Variants in ST8SIA4 observed in about 807,000 individuals in gnomAD.
ST8SIA4 encodes CMP-N-acetylneuraminate-poly-alpha-2,8-sialyltransferase.
A neutral mutation model predicts 33.9 loss-of-function variants in ST8SIA4; 15 were observed. The observed-to-expected ratio is 0.44, with a 90% CI of 0.30 to 0.68. ST8SIA4 has a LOEUF of 0.68. Among genes scored for constraint, ST8SIA4 ranks in the 30% least tolerant of loss-of-function variants. The pLI is 0.10. For missense variants in ST8SIA4, 321 were observed against 428.0 expected, an observed-to-expected ratio of 0.75 and a Z score of 2.21; for synonymous variants, 171 against 151.2, an observed-to-expected ratio of 1.13 and a Z score of -0.96.
intron 4 of ST8SIA4, among the ~76,000 whole-genome samples, chr5:100,835,330 T>C (rs1020032448): frequency 1.3e-5 from 2 of 152,256 alleles, no homozygotes; most frequent in African/African-American, 4.8e-5. Flanking sequence ...TTGTCATTTT[T>C]TCCATCATAA....
chr5:100,885,448 A>AAAAATATTC (rs1315633391), intron 3 of ST8SIA4: 19 of 935,592 alleles, frequency 2.0e-5, no homozygotes, highest in Non-Finnish European at 2.3e-5. Flanking sequence ...AAAATATTCA[A>AAAAATATTC]AAAATATTCA....
chr5:100,870,827 A>G (rs143499535), intron 3 of ST8SIA4, among the ~76,000 whole-genome samples: 1 of 152,240 alleles, frequency 6.6e-6, no homozygotes, highest in African/African-American at 2.4e-5. Context: ...TAAATTTTGC[A>G]TTTAAAATCA....
At chr5:100,828,221 T>C (rs1237443103) in intron 4 of ST8SIA4, among the ~76,000 whole-genome samples, 2 of 152,134 alleles carry the variant, frequency 1.3e-5, no homozygotes, top group Non-Finnish European at 2.9e-5. Context: ...GGGGCCTGCA[T>C]AAACCAACTA....
Position 100,903,026 on chromosome 5 carries a change from G to A in ST8SIA4, c.-71C>T. On this transcript the variant is annotated 5_prime_UTR_variant, in exon 1 of 5. Transcript: ENST00000231461. ...CTCTTGATATAAAGGCTCCGTTTTGGGGAGATAGTCGCGGGGGTGAAATCT... is the reference window on the plus strand; with the variant it reads ...CTCTTGATATAAAGGCTCCGTTTTGAGGAGATAGTCGCGGGGGTGAAATCT... 9.0e-7 allele frequency: 1 copy of A among 1,114,924 alleles called. No homozygotes were observed. Among genetic ancestry groups the A allele is most frequent in the Non-Finnish European group, 1.4e-6 (1 of 735,514 alleles). The allele number at this position is 1,114,924 out of a possible 1,614,324, so 69.1% of individuals were successfully genotyped here.
chr5:100,868,230 C>T (rs1278742470), intron 3 of ST8SIA4, among the ~76,000 whole-genome samples: 1 of 151,952 alleles, frequency 6.6e-6, no homozygotes, highest in Non-Finnish European at 1.5e-5. Flanking sequence ...TAATTGTGTG[C>T]TCATTGATAA....
At chr5:100,886,269 T>C (rs1170780062) in intron 3 of ST8SIA4, 74 bp downstream of exon 3, 23 of 1,547,398 alleles carry the variant, frequency 1.5e-5, no homozygotes, top group Admixed American at 2.0e-5. Context: ...CTTTAAAATT[T>C]TCTAACAGTT....
chr5:100,824,757 G>T (rs1343205860), intron 4 of ST8SIA4, among the ~76,000 whole-genome samples: 1 of 152,000 alleles, frequency 6.6e-6, no homozygotes, highest in African/African-American at 2.4e-5. Flanking sequence ...CTACACAAAA[G>T]ATTTAGTTAA....
rs942951553 is a variant in ST8SIA4, at chr5:100,835,249, T to G, written c.797+20854A>C. On this transcript the variant is annotated intron_variant, in intron 4 of 4. Coordinates refer to ENST00000231461, the MANE Select transcript of ST8SIA4 (RefSeq NM_005668.6). The stretch of plus-strand genomic sequence containing the variant: ...TCCCTTGAATTATCATATGGAGAGT[T>G]AATCAATTTTCCATGGAATTGTGAG... Among the ~76,000 whole-genome samples the G allele has an allele frequency of 4.6e-5, 7 of 152,278 alleles. No homozygotes were observed. The East Asian group carries it at 1.4e-3, about 29-fold the overall frequency.
At chr5:100,843,533 A>C (rs1217909899) in intron 4 of ST8SIA4, among the ~76,000 whole-genome samples, 3 of 151,928 alleles carry the variant, frequency 2.0e-5, no homozygotes, top group Non-Finnish European at 4.4e-5. Flanking sequence ...CACCAGGAAA[A>C]CTTAACCAGA....
At chr5:100,883,249 C>A (rs1561405190) in intron 3 of ST8SIA4, among the ~76,000 whole-genome samples, 1 of 152,210 alleles carries the variant, frequency 6.6e-6, no homozygotes. Context: ...CAAAGGAGAT[C>A]ATTTTGGAGC....
intron 4 of ST8SIA4, among the ~76,000 whole-genome samples, chr5:100,843,640 A>C (rs997039872): frequency 6.6e-6 from 1 of 151,906 alleles, no homozygotes; most frequent in Admixed American, 6.6e-5. Context: ...CACAATACAG[A>C]GCAATGATTT....
At chr5:100,855,593 A>G (rs1038113034) in intron 4 of ST8SIA4, among the ~76,000 whole-genome samples, 3 of 152,206 alleles carry the variant, frequency 2.0e-5, no homozygotes, top group Non-Finnish European at 2.9e-5. Context: ...TAAAAGGGAA[A>G]TGTTGGCTTA....
At chr5:100,845,196 T>G (rs1424097317) in intron 4 of ST8SIA4, among the ~76,000 whole-genome samples, 1 of 151,968 alleles carries the variant, frequency 6.6e-6, no homozygotes, top group African/African-American at 2.4e-5. Context: ...TAATCTAAAC[T>G]ATTACACTCA....
In ST8SIA4 at chr5:100,824,546, G is replaced by GA. The variant is rs556224185; in HGVS notation, c.798-12418dup. On this transcript the variant is annotated intron_variant, in intron 4 of 4. Coordinates refer to ENST00000231461, the MANE Select transcript of ST8SIA4 (RefSeq NM_005668.6). ...AGGATCCTACATTTTGAACATTCAT[G>GA]AAAAAAAAAGGCTTTTTATTTTTGG... Among the ~76,000 whole-genome samples the GA allele has an allele frequency of 7.7e-4, 115 of 148,850 alleles. 1 individual carries two copies. The South Asian group carries it at 0.018, about 23-fold the overall frequency.
rs1000187819 is a variant in ST8SIA4 at position 100,807,937 on chromosome 5, C to T, written c.*3910G>A. Reference sequence around the variant, plus strand: ...GGGCTTTATTTGGATTTTCTTTCATCAAATACAAATAATAACCCTCACTCA... The same window carrying T: ...GGGCTTTATTTGGATTTTCTTTCATTAAATACAAATAATAACCCTCACTCA... On this transcript the variant is annotated 3_prime_UTR_variant, in exon 5 of 5. Coordinates refer to ENST00000231461, the MANE Select transcript of ST8SIA4 (RefSeq NM_005668.6). The T allele has an allele frequency of 1.2e-4, 19 of 152,312 alleles. No homozygotes were observed. Among genetic ancestry groups the T allele is most frequent in the African/African-American group, 2.4e-5 (1 of 41,374 alleles). 9.4% of individuals were successfully genotyped at this position (152,312 alleles called of 1,614,324 possible). A position where few individuals can be genotyped will look rare whatever the true frequency, so the allele number is the denominator to read the frequency against.
At chr5:100,862,961 C>G (rs1312423631) in intron 3 of ST8SIA4, among the ~76,000 whole-genome samples, 2 of 152,156 alleles carry the variant, frequency 1.3e-5, no homozygotes, top group Middle Eastern at 6.3e-3. Context: ...ATACAAAGAA[C>G]TTGGTCAAAA....
chr5:100,816,144 T>C (rs1750910816), intron 4 of ST8SIA4, among the ~76,000 whole-genome samples: 6 of 152,216 alleles, frequency 3.9e-5, no homozygotes, highest in East Asian at 3.8e-4. Context: ...CTCCGTGAAA[T>C]TGTGTGAAAC....
At chr5:100,842,565 C>T (rs542529669) in intron 4 of ST8SIA4, among the ~76,000 whole-genome samples, 2 of 151,916 alleles carry the variant, frequency 1.3e-5, no homozygotes, top group East Asian at 3.9e-4. Context: ...GGGCTATTAA[C>T]ATTTATAATG....
chr5:100,874,424 G>A (rs1217261801), intron 3 of ST8SIA4, among the ~76,000 whole-genome samples: 1 of 152,026 alleles, frequency 6.6e-6, no homozygotes, highest in East Asian at 1.9e-4. Flanking sequence ...AACTCTGATT[G>A]GACTCTTGGA....
Sources: allele counts gnomAD v4.1 joint callset (sites outside exome capture counted in the v4.1 genomes callset), GRCh38; gene constraint gnomAD v4.1.1; transcripts MANE v1.5; gene names NCBI Gene and HGNC (gene_info 2026-07-23, HGNC 2026-07-21).